Variants in KLHL14 observed in about 807,000 individuals in gnomAD.
KLHL14 encodes the protein kelch like family member 14.
KLHL14 carries 22 observed loss-of-function variants against 64.3 expected under a neutral mutation model. The observed-to-expected ratio is 0.34, with a 90% CI of 0.24 to 0.49. The LOEUF (loss-of-function observed/expected upper bound fraction) is 0.49. Among genes scored for constraint, KLHL14 ranks in the 20% least tolerant of loss-of-function variants. The probability of loss-of-function intolerance (pLI) is 0.99; values close to 1 mark genes in which losing one functional copy is unlikely to be tolerated. For missense variants in KLHL14, 661 were observed against 789.0 expected, an observed-to-expected ratio of 0.84 and a Z score of 1.94; for synonymous variants, 322 against 333.4, an observed-to-expected ratio of 0.97 and a Z score of 0.37.
rs2049796254 is a variant in KLHL14, at chr18:32,673,578, G to GT, written c.*1078dup. 1 of 152,202 alleles carries GT rather than the reference G, an allele frequency of 6.6e-6. No individual in the cohort carries two copies. The highest frequency in any genetic ancestry group is 1.5e-5 in the Non-Finnish European group (1 of 68,046). 9.4% of individuals were successfully genotyped at this position (152,202 alleles called of 1,614,324 possible). A position where few individuals can be genotyped will look rare whatever the true frequency, so the allele number is the denominator to read the frequency against. Reference sequence around the variant, plus strand: ...ATGATGAATTGGGGGAATAACGATCGTAAGTCAAGTGTCTAGAGGCACCCG... The same window carrying GT: ...ATGATGAATTGGGGGAATAACGATCGTTAAGTCAAGTGTCTAGAGGCACCCG... On this transcript the variant is annotated 3_prime_UTR_variant, in exon 9 of 9. Transcript: ENST00000359358.
chr18:32,769,591 G>A (rs1327506976), intron 2 of KLHL14, 54 bp downstream of exon 2: 1 of 111,268 alleles, frequency 9.0e-6, no homozygotes, highest in Non-Finnish European at 1.6e-5. Flanking sequence ...CCCTCCCTCC[G>A]GCCTCTCTGG....
Position 32,680,101 on chromosome 18 carries a change from C to T in KLHL14, c.1588+68G>A. ...TTAACTATGATTATCTAAGGAGAAA[C>T]CCCCTTAGCGAGAAATATGAGGTGC... is the stretch of plus-strand genomic sequence containing the variant. On this transcript the variant is annotated intron_variant, in intron 7 of 8. Transcript: ENST00000359358. This position sits in a 1 kb window ranked among gnomAD's most constrained non-coding sequence, Gnocchi z 4.8. 6.9e-7 allele frequency: 1 copy of T among 1,452,622 alleles called. No individual in the cohort carries two copies. Among genetic ancestry groups the T allele is most frequent in the African/African-American group, 1.4e-5 (1 of 71,242 alleles). 90.0% of individuals were successfully genotyped at this position (1,452,622 alleles called of 1,614,324 possible). A position where few individuals can be genotyped will look rare whatever the true frequency, so the allele number is the denominator to read the frequency against.
At position 32,673,113 on chromosome 18, in the gene KLHL14, A is replaced by G. The variant is rs984948584; in HGVS notation, c.*1544T>C. 2.6e-5 allele frequency: 4 copies of G among 152,542 alleles called. No individual in the cohort carries two copies. Among genetic ancestry groups the G allele is most frequent in the African/African-American group, 4.8e-5 (2 of 41,426 alleles). 9.4% of individuals were successfully genotyped at this position (152,542 alleles called of 1,614,324 possible). ...ATATTTATATATATATATTTTTACA[A>G]CGGATCCTTTGGATCTGAACATACA... is the stretch of plus-strand genomic sequence containing the variant. On this transcript the variant is annotated 3_prime_UTR_variant, in exon 9 of 9. Coordinates refer to ENST00000359358, the MANE Select transcript of KLHL14 (RefSeq NM_020805.3).
At chr18:32,695,608 A>G (rs1451309789) in intron 3 of KLHL14, 56 bp from the exon 4 acceptor site, 2 of 1,079,724 alleles carry the variant, frequency 1.9e-6, no homozygotes, top group African/African-American at 3.2e-5. Flanking sequence ...AGGATTTGCT[A>G]CCTTGGCTCA....
rs117246522 is a variant in KLHL14, at chr18:32,764,213, T to C, written c.947+5432A>G. Among the ~76,000 whole-genome samples the C allele has an allele frequency of 8.7e-3, 1,326 of 152,314 alleles. 14 individuals carry two copies. The highest frequency in any genetic ancestry group is 0.014 in the Middle Eastern group (4 of 294). On this transcript the variant is annotated intron_variant, in intron 2 of 8. Coordinates refer to ENST00000359358, the MANE Select transcript of KLHL14 (RefSeq NM_020805.3). ...TACTCGAAATGATTAAAATATCATA[T>C]AAACAATATTTAAGCCTCTTCTGAA...
intron 5 of KLHL14, among the ~76,000 whole-genome samples, chr18:32,681,049 C>T (rs1382624555): frequency 1.3e-5 from 2 of 152,100 alleles, no homozygotes; most frequent in Non-Finnish European, 2.9e-5. Context: ...AAGAGAACTA[C>T]ATCATCAAAA....
At chr18:32,694,880 C>A (rs749782765) in intron 4 of KLHL14, among the ~76,000 whole-genome samples, 1 of 152,052 alleles carries the variant, frequency 6.6e-6, no homozygotes, top group Non-Finnish European at 1.5e-5. Flanking sequence ...TTGGGACGTG[C>A]GTTAAAATGT....
intron 4 of KLHL14, among the ~76,000 whole-genome samples, chr18:32,693,607 A>C (rs960552055): frequency 6.6e-5 from 10 of 152,174 alleles, no homozygotes; most frequent in Admixed American, 6.5e-4. Context: ...AAAGCACACA[A>C]TGCCTCAGTA....
intron 3 of KLHL14, among the ~76,000 whole-genome samples, chr18:32,706,536 C>T (rs1267378767): frequency 6.6e-6 from 1 of 151,914 alleles, no homozygotes; most frequent in African/African-American, 2.4e-5. Context: ...GAATATTTGC[C>T]ACTTCTCCAG....
intron 3 of KLHL14, among the ~76,000 whole-genome samples, chr18:32,735,221 T>C (rs964049407): frequency 1.3e-5 from 2 of 152,132 alleles, no homozygotes; most frequent in African/African-American, 4.8e-5. Context: ...ACTTTTTGAC[T>C]AACGGCATCT....
intron 3 of KLHL14, among the ~76,000 whole-genome samples, chr18:32,721,901 T>C (rs938073804): frequency 1.3e-5 from 2 of 152,178 alleles, no homozygotes; most frequent in African/African-American, 2.4e-5. Flanking sequence ...TTTTCTGATA[T>C]GGTTTGGCTC....
chr18:32,770,730 G>A lies in KLHL14; in HGVS notation c.-43-96C>T. 1 of 580,576 alleles carries A rather than the reference G, an allele frequency of 1.7e-6. No homozygotes were observed. Among genetic ancestry groups the A allele is most frequent in the Non-Finnish European group, 2.7e-6 (1 of 375,382 alleles). The allele number at this position is 580,576 out of a possible 1,614,324, so 36.0% of individuals were successfully genotyped here. A position where few individuals can be genotyped will look rare whatever the true frequency, so the allele number is the denominator to read the frequency against. On this transcript the variant is annotated intron_variant, in intron 1 of 8. Coordinates refer to ENST00000359358, the MANE Select transcript of KLHL14 (RefSeq NM_020805.3). The surrounding 1 kb of genome is among the most constrained non-coding windows in gnomAD (Gnocchi z 6.7). ...GGGGAAGGGTGTGGAGGGGAGGGGAGGGCGAAGAACAAGAATCAAGGCTCA... is the reference window on the plus strand; with the variant it reads ...GGGGAAGGGTGTGGAGGGGAGGGGAAGGCGAAGAACAAGAATCAAGGCTCA...
intron 3 of KLHL14, among the ~76,000 whole-genome samples, chr18:32,704,125 A>G (rs2049979027): frequency 6.6e-6 from 1 of 152,218 alleles, no homozygotes; most frequent in East Asian, 1.9e-4. Context: ...AGAGCAACAT[A>G]TATTATTTAA....
At chr18:32,749,791 G>C (rs1159322569) in intron 2 of KLHL14, among the ~76,000 whole-genome samples, 2 of 152,148 alleles carry the variant, frequency 1.3e-5, no homozygotes, top group African/African-American at 4.8e-5. Flanking sequence ...CAATGTATGG[G>C]AGTGATTTGG....
intron 4 of KLHL14, among the ~76,000 whole-genome samples, chr18:32,689,607 A>G (rs2049897059): frequency 3.9e-5 from 6 of 152,136 alleles, no homozygotes; most frequent in Admixed American, 3.9e-4. Flanking sequence ...CAATAGAAAG[A>G]AGATTATAGC....
intron 3 of KLHL14, among the ~76,000 whole-genome samples, chr18:32,715,154 A>T (rs2050038877): frequency 6.6e-6 from 1 of 152,144 alleles, no homozygotes; most frequent in Admixed American, 6.5e-5. Flanking sequence ...AATAGGTCAG[A>T]TTTTTCAATA....
rs568133724 is a variant in KLHL14, at chr18:32,680,141, C to T, written c.1588+28G>A. 1 of 1,608,532 alleles carries T rather than the reference C, an allele frequency of 6.2e-7. No homozygotes were observed. Among genetic ancestry groups the T allele is most frequent in the African/African-American group, 1.3e-5 (1 of 74,802 alleles). The stretch of plus-strand genomic sequence containing the variant: ...ATATGAGGTGCAAATGTTATTGTGA[C>T]TAAAAAACAAAACAACAAAAAAAAG... On this transcript the variant is annotated intron_variant, in intron 7 of 8. Transcript: ENST00000359358. This position sits in a 1 kb window ranked among gnomAD's most constrained non-coding sequence, Gnocchi z 4.8.
chr18:32,768,806 GCAA>G (rs766967718), intron 2 of KLHL14, among the ~76,000 whole-genome samples: 83 of 152,188 alleles, frequency 5.5e-4, no homozygotes, highest in Admixed American at 1.2e-3. Context: ...TTTCTAACTA[GCAA>G]CAACAGAGGC....
chr18:32,702,819 ACCT>A (rs2049973097), intron 3 of KLHL14, among the ~76,000 whole-genome samples: 1 of 151,970 alleles, frequency 6.6e-6, no homozygotes, highest in Non-Finnish European at 1.5e-5. Flanking sequence ...TTTCTCCCTT[ACCT>A]CCTACTTGTT....
Sources: allele counts gnomAD v4.1 joint callset (sites outside exome capture counted in the v4.1 genomes callset), GRCh38; gene constraint gnomAD v4.1.1; non-coding constraint Gnocchi (gnomAD v3.1); transcripts MANE v1.5; gene names NCBI Gene and HGNC (gene_info 2026-07-23, HGNC 2026-07-21).